Variants in CDH13 observed in about 807,000 individuals in gnomAD.
The protein encoded by CDH13 is cadherin 13, also known as cadherin-13.
Under a neutral mutation model 63.8 loss-of-function variants are expected in CDH13, and 24 were observed. The observed-to-expected ratio is 0.38, with a 90% CI of 0.27 to 0.53. The LOEUF (loss-of-function observed/expected upper bound fraction) is 0.53, where lower values mean the gene tolerates loss of function less well. Ranked by LOEUF, CDH13 falls within the 20% of genes least tolerant of loss-of-function variation. The probability of loss-of-function intolerance (pLI) is 0.85; values close to 1 mark genes in which losing one functional copy is unlikely to be tolerated. For synonymous variants in CDH13, 503 were observed against 355.3 expected (o/e 1.42, Z -4.67); for missense variants, 1,049 against 903.1 (o/e 1.16, Z -2.07).
chr16:83,542,938 C>T (rs2075320615), intron 7 of CDH13, among the ~76,000 whole-genome samples: 1 of 152,166 alleles, frequency 6.6e-6, no homozygotes, highest in Non-Finnish European at 1.5e-5. Flanking sequence ...CTAAGACAAT[C>T]AACATAAGCT....
intron 1 of CDH13, among the ~76,000 whole-genome samples, chr16:82,805,451 G>A (rs2037093468): frequency 6.6e-6 from 1 of 152,180 alleles, no homozygotes; most frequent in South Asian, 2.1e-4. Context: ...AGAAACAGAT[G>A]TATGAGGCCA....
At chr16:82,768,714 C>T (rs957802401) in intron 1 of CDH13, among the ~76,000 whole-genome samples, 1 of 152,224 alleles carries the variant, frequency 6.6e-6, no homozygotes, top group Non-Finnish European at 1.5e-5. Context: ...GCAACATTTC[C>T]ATTGGTTGAG....
intron 4 of CDH13, among the ~76,000 whole-genome samples, chr16:83,175,798 A>G (rs1040891790): frequency 1.3e-5 from 2 of 148,972 alleles, no homozygotes. Context: ...AGATCATAAT[A>G]TACATACTGT....
At chr16:83,679,953 C>T (rs1836369074) in intron 10 of CDH13, among the ~76,000 whole-genome samples, 1 of 152,016 alleles carries the variant, frequency 6.6e-6, no homozygotes, top group African/African-American at 2.4e-5. Flanking sequence ...TGTCTGGGAC[C>T]CAGGACTAGA....
chr16:82,809,914 A>AG (rs960282107), intron 1 of CDH13, among the ~76,000 whole-genome samples: 9 of 152,294 alleles, frequency 5.9e-5, no homozygotes, highest in African/African-American at 2.2e-4. Flanking sequence ...AGAAAAAAAA[A>AG]GGGACAGATT....
intron 1 of CDH13, among the ~76,000 whole-genome samples, chr16:82,651,740 C>G (rs1215858953): frequency 6.6e-6 from 1 of 152,208 alleles, no homozygotes; most frequent in East Asian, 1.9e-4. Context: ...ATTCTACCCT[C>G]CAGGTTTTCC....
intron 2 of CDH13, among the ~76,000 whole-genome samples, chr16:82,997,295 A>T (rs1314052123): frequency 6.6e-6 from 1 of 152,068 alleles, no homozygotes; most frequent in Non-Finnish European, 1.5e-5. Flanking sequence ...AAATGTGTAA[A>T]CTCACAGTGC....
chr16:83,502,384 A>T (rs1437247282), intron 7 of CDH13, among the ~76,000 whole-genome samples: 1 of 151,752 alleles, frequency 6.6e-6, no homozygotes, highest in African/African-American at 2.4e-5. Flanking sequence ...GGCATCTAAA[A>T]CAAAAAAGGA....
intron 1 of CDH13, among the ~76,000 whole-genome samples, chr16:82,808,790 C>G (rs951899727): frequency 6.6e-6 from 1 of 152,072 alleles, no homozygotes; most frequent in Admixed American, 6.6e-5. Context: ...CCAAACTTAC[C>G]CAGTTATTCA....
At chr16:83,420,699 G>A (rs891466215) in intron 6 of CDH13, among the ~76,000 whole-genome samples, 1 of 152,186 alleles carries the variant, frequency 6.6e-6, no homozygotes, top group Non-Finnish European at 1.5e-5. Context: ...TCCCACTATA[G>A]GCCATCTGCA....
intron 13 of CDH13, among the ~76,000 whole-genome samples, chr16:83,788,662 C>G (rs1190254797): frequency 2.0e-5 from 3 of 152,058 alleles, no homozygotes; most frequent in African/African-American, 7.2e-5. Flanking sequence ...CCTGATAATC[C>G]CTAAAGAATT....
At chr16:83,091,040 T>C (rs946693272) in intron 3 of CDH13, among the ~76,000 whole-genome samples, 5 of 152,232 alleles carry the variant, frequency 3.3e-5, no homozygotes, top group Admixed American at 6.5e-5. Context: ...TTTTCTATGT[T>C]GCTACATGAT....
intron 2 of CDH13, among the ~76,000 whole-genome samples, chr16:82,998,451 T>C (rs1912492366): frequency 6.6e-6 from 1 of 152,182 alleles, no homozygotes; most frequent in Non-Finnish European, 1.5e-5. Flanking sequence ...ACTTTTTCTT[T>C]TTCTGGACAG....
intron 10 of CDH13, among the ~76,000 whole-genome samples, chr16:83,724,130 A>G (rs1910055681): frequency 6.9e-6 from 1 of 145,588 alleles, no homozygotes; most frequent in Non-Finnish European, 1.5e-5. Context: ...TGATGAATGC[A>G]TGGGTGGGTG....
chr16:83,007,212 G>T (rs140993576), intron 2 of CDH13, among the ~76,000 whole-genome samples: 60 of 152,248 alleles, frequency 3.9e-4, no homozygotes, highest in South Asian at 1.0e-3. Flanking sequence ...ATGAGCCACC[G>T]CGCCCAGCAT....
At chr16:83,236,845 G>C (rs1385455565) in intron 5 of CDH13, among the ~76,000 whole-genome samples, 1 of 152,096 alleles carries the variant, frequency 6.6e-6, no homozygotes, top group Non-Finnish European at 1.5e-5. Flanking sequence ...TATAGGTCTG[G>C]GTTTCCCTTT....
intron 8 of CDH13, among the ~76,000 whole-genome samples, chr16:83,656,453 G>T (rs772186621): frequency 6.6e-6 from 1 of 152,140 alleles, no homozygotes; most frequent in African/African-American, 2.4e-5. Flanking sequence ...TGGATACAGG[G>T]CAGAGTCCAG....
chr16:82,850,501 T>G (rs1013246284), intron 1 of CDH13, among the ~76,000 whole-genome samples: 16 of 152,220 alleles, frequency 1.1e-4, no homozygotes, highest in African/African-American at 3.9e-4. Context: ...GAAGATGCTG[T>G]AAACATTGTT....
At chr16:83,138,387 C>T (rs1240378612) in intron 4 of CDH13, among the ~76,000 whole-genome samples, 1 of 151,774 alleles carries the variant, frequency 6.6e-6, no homozygotes, top group East Asian at 1.9e-4. Flanking sequence ...TTGGAAAAAT[C>T]GAGAAGGCAG....
Sources: allele counts gnomAD v4.1 joint callset (sites outside exome capture counted in the v4.1 genomes callset), GRCh38; gene constraint gnomAD v4.1.1; transcripts MANE v1.5; gene names NCBI Gene and HGNC (gene_info 2026-07-23, HGNC 2026-07-21).